The following CIAPIN1 variants were observed in gnomAD, a reference collection of about 807,000 sequenced individuals.
CIAPIN1 encodes the protein anamorsin.
In CIAPIN1, 18 loss-of-function variants were observed where a neutral mutation model predicts 34.3. The ratio of observed to expected loss-of-function variants is 0.52; its 90% CI spans 0.36 to 0.78. The LOEUF is 0.78. Among genes scored for constraint, CIAPIN1 ranks in the 30% least tolerant of loss-of-function variants. The pLI, the probability that CIAPIN1 is intolerant of heterozygous loss-of-function variation, is 0.00. For synonymous variants in CIAPIN1, 131 were observed against 140.4 expected (o/e 0.93, Z 0.47); for missense variants, 310 against 372.5 (o/e 0.83, Z 1.38).
intron 8 of CIAPIN1, 56 bp from the exon 9 acceptor site, chr16:57,429,336 G>A: frequency 8.1e-7 from 1 of 1,235,022 alleles, no homozygotes; most frequent in South Asian, 1.2e-5. Context: ...ATACCAGCCA[G>A]AAGAAAGAAA....
chr16:57,431,185 C>T lies in CIAPIN1; in HGVS notation c.712G>A (p.Gly238Arg). The T allele has an allele frequency of 1.2e-6, 2 of 1,613,756 alleles. No homozygotes were observed. The highest frequency in any genetic ancestry group is 1.7e-6 in the Non-Finnish European group (2 of 1,179,808). The change falls in exon 7 of 9, where the codon GGG becomes AGG. Residue 238 changes from glycine to arginine, a missense_variant. By Grantham distance (125) the Gly-to-Arg change is moderately radical (BLOSUM62 -2). Coordinates refer to ENST00000394391, the MANE Select transcript of CIAPIN1 (RefSeq NM_020313.4). ...CAGGCCTTCCTCTTTTTCCCTTCCC[C>T]ACAAGAAGCAGCCCGCAGGGAAGCT... Reference protein sequence around the residue: ...DPASLRAASCGEGKKRKACKN... With the variant: ...DPASLRAASCREGKKRKACKN...
At chr16:57,439,420 C>A in intron 2 of CIAPIN1, 86 bp from the exon 3 acceptor site, 2 of 1,421,206 alleles carry the variant, frequency 1.4e-6, no homozygotes, top group Admixed American at 1.8e-5. Context: ...AAGCTACAGA[C>A]CTCACCCTGA....
Position 57,429,105 on chromosome 16 carries a change from C to T in CIAPIN1, c.*65G>A, listed in dbSNP as rs1903019669. ...AATCCAGAGGAGGTGGGAGGAGCCA[C>T]CATGGTGGGATGTGAGGGACAGGAG... On this transcript the variant is annotated 3_prime_UTR_variant, in exon 9 of 9. Transcript: ENST00000394391. The T allele has an allele frequency of 1.8e-6, 2 of 1,124,506 alleles. No individual in the cohort carries two copies. Among genetic ancestry groups the T allele is most frequent in the African/African-American group, 3.0e-5 (2 of 65,708 alleles). The allele number at this position is 1,124,506 out of a possible 1,614,324, so 69.7% of individuals were successfully genotyped here. A position where few individuals can be genotyped will look rare whatever the true frequency, so the allele number is the denominator to read the frequency against.
intron 6 of CIAPIN1, 119 bp downstream of exon 6, chr16:57,432,368 G>T: frequency 1.3e-6 from 1 of 752,312 alleles, no homozygotes; most frequent in Non-Finnish European, 2.2e-6. Flanking sequence ...GACAGGCATA[G>T]TCACAAATCT....
intron 4 of CIAPIN1, among the ~76,000 whole-genome samples, chr16:57,435,128 G>A (rs1397008551): frequency 1.3e-5 from 2 of 152,176 alleles, no homozygotes; most frequent in Non-Finnish European, 2.9e-5. Context: ...CTCATGAATG[G>A]TTTAGCACCA....
chr16:57,438,197 T>C (rs72780611), intron 3 of CIAPIN1, among the ~76,000 whole-genome samples: 6,408 of 152,324 alleles, frequency 0.042, 184 homozygotes, highest in Middle Eastern at 0.085. Context: ...TCTATTATTC[T>C]ATTTGATGAA....
At chr16:57,443,881 C>A (rs1162302272) in intron 1 of CIAPIN1, among the ~76,000 whole-genome samples, 1 of 152,038 alleles carries the variant, frequency 6.6e-6, no homozygotes, top group Non-Finnish European at 1.5e-5. Flanking sequence ...ATTTAAGAAC[C>A]AGCCAGGCAA....
rs1351137631 is a variant in CIAPIN1, at chr16:57,429,165, A to G, written c.*5T>C. The G allele has an allele frequency of 6.2e-7, 1 of 1,604,642 alleles. No homozygotes were observed. Among genetic ancestry groups the G allele is most frequent in the Non-Finnish European group, 8.5e-7 (1 of 1,173,364 alleles). On this transcript the variant is annotated 3_prime_UTR_variant, in exon 9 of 9. Transcript: ENST00000394391. ...GGAGCAGATGGGTCCCATGTCAGGA[A>G]CCTCCTAGGCATCATGAAGATTGCT... is the stretch of plus-strand genomic sequence containing the variant.
chr16:57,445,932 G>A (rs1457401649), intron 1 of CIAPIN1, among the ~76,000 whole-genome samples: 1 of 126,962 alleles, frequency 7.9e-6, no homozygotes, highest in Non-Finnish European at 1.6e-5. Context: ...TGCAACCTCC[G>A]ACTCCGGGGT....
intron 6 of CIAPIN1, chr16:57,431,514 C>G: frequency 2.8e-6 from 1 of 355,328 alleles, no homozygotes; most frequent in Non-Finnish European, 5.3e-6. Context: ...TGAGAAAAAG[C>G]TGTATGACTG....
Position 57,428,506 on chromosome 16 carries a change from A to G in CIAPIN1, c.*664T>C, listed in dbSNP as rs1598019392. On this transcript the variant is annotated 3_prime_UTR_variant, in exon 9 of 9. Coordinates refer to ENST00000394391, the MANE Select transcript of CIAPIN1 (RefSeq NM_020313.4). Reference sequence around the variant, plus strand: ...GATGACTATCCAACATCACACACAAATGCACATCCCCTCTCTTTACAAGAC... The same window carrying G: ...GATGACTATCCAACATCACACACAAGTGCACATCCCCTCTCTTTACAAGAC... 6.6e-6 allele frequency: 1 copy of G among 152,294 alleles called. No individual in the cohort carries two copies. The highest frequency in any genetic ancestry group is 1.5e-5 in the Non-Finnish European group (1 of 68,086). The allele number at this position is 152,294 out of a possible 1,614,324, so 9.4% of individuals were successfully genotyped here. A position where few individuals can be genotyped will look rare whatever the true frequency, so the allele number is the denominator to read the frequency against.
chr16:57,437,230 A>G (rs223878), intron 3 of CIAPIN1, among the ~76,000 whole-genome samples: 26,521 of 152,152 alleles, frequency 0.17, 2,942 homozygotes, highest in African/African-American at 0.32. Flanking sequence ...TTATGATAGT[A>G]TGAAAGTAAT....
At chr16:57,432,673 C>T in intron 5 of CIAPIN1, 113 bp from the exon 6 acceptor site, 1 of 981,152 alleles carries the variant, frequency 1.0e-6, no homozygotes, top group Non-Finnish European at 1.5e-6. Flanking sequence ...GCCTGGGAGG[C>T]AGAAGATGTG....
chr16:57,446,894 AC>A (rs1242661618), intron 1 of CIAPIN1, among the ~76,000 whole-genome samples: 1 of 152,032 alleles, frequency 6.6e-6, no homozygotes, highest in Non-Finnish European at 1.5e-5. Flanking sequence ...GAGCTCAGGT[AC>A]CCCCCGACTC....
chr16:57,429,727 C>T (rs1046149022), intron 8 of CIAPIN1, among the ~76,000 whole-genome samples: 13 of 151,332 alleles, frequency 8.6e-5, no homozygotes, highest in African/African-American at 2.7e-4. Context: ...CTCCTGACCT[C>T]GTGATCCGCC....
At position 57,440,876 on chromosome 16, in the gene CIAPIN1, T is replaced by G. The variant is rs1237441422; in HGVS notation, c.53A>C (p.Lys18Thr). Residue 18 changes from lysine to threonine, a missense_variant, in exon 2 of 9, where the codon AAG becomes ACG. Physicochemically the swap from Lys to Thr is moderately conservative, Grantham distance 78. Coordinates refer to ENST00000394391, the MANE Select transcript of CIAPIN1 (RefSeq NM_020313.4). ...TTTCAGAGCCTCCACTGGGGATGAC[T>G]TATCCCAGACCACTGCCACAAACTG... ...AGQFVAVVWD[K>T]SSPVEALKGL... 1 of 1,614,086 alleles carries G rather than the reference T, an allele frequency of 6.2e-7. No homozygotes were observed. The highest frequency in any genetic ancestry group is 1.7e-5 in the Admixed American group (1 of 60,016).
chr16:57,430,292 T>C lies in CIAPIN1; in HGVS notation c.794A>G (p.Gln265Arg). ...AGCTGACTTGGGTTGGGAGCTCATC[T>C]GTTCCCTTGACTTCTCTTTTTCCAG... ...EELEKEKSRE[Q>R]MSSQPKSACG... The change falls in exon 8 of 9, where the codon CAG becomes CGG. Residue 265 changes from glutamine to arginine, a missense_variant. Coordinates refer to ENST00000394391, the MANE Select transcript of CIAPIN1 (RefSeq NM_020313.4). 1 of 1,614,266 alleles carries C rather than the reference T, an allele frequency of 6.2e-7. No individual in the cohort carries two copies. Among genetic ancestry groups the C allele is most frequent in the South Asian group, 1.1e-5 (1 of 91,090 alleles).
At position 57,429,138 on chromosome 16, in the gene CIAPIN1, G is replaced by C; in HGVS notation, c.*32C>G. 6.8e-7 allele frequency: 1 copy of C among 1,469,476 alleles called. No individual in the cohort carries two copies. Among genetic ancestry groups the C allele is most frequent in the Non-Finnish European group, 9.5e-7 (1 of 1,050,104 alleles). The allele number at this position is 1,469,476 out of a possible 1,614,324, so 91.0% of individuals were successfully genotyped here. ...GGATGTGAGGGACAGGAGTTGGCTG[G>C]AGGAGCAGATGGGTCCCATGTCAGG... On this transcript the variant is annotated 3_prime_UTR_variant, in exon 9 of 9. Coordinates refer to ENST00000394391, the MANE Select transcript of CIAPIN1 (RefSeq NM_020313.4).
intron 5 of CIAPIN1, among the ~76,000 whole-genome samples, chr16:57,433,432 T>A (rs925590079): frequency 4.6e-5 from 7 of 152,340 alleles, no homozygotes; most frequent in African/African-American, 1.7e-4. Context: ...CAAGTGGGAA[T>A]GTACCAGTAA....
Sources: gnomAD v4.1 joint callset for allele counts (sites outside exome capture counted in the v4.1 genomes callset) on GRCh38, gnomAD v4.1.1 for gene constraint, MANE v1.5 for transcripts, NCBI Gene and HGNC (gene_info 2026-07-23, HGNC 2026-07-21) for gene names.